PCSK6: variants seen among roughly 807,000 people sequenced by gnomAD.
The protein encoded by PCSK6 is proprotein convertase subtilisin/kexin type 6.
In PCSK6, 85 loss-of-function variants were observed where a neutral mutation model predicts 123.3. The observed-to-expected ratio is 0.69, with a 90% confidence interval of 0.58 to 0.83. The LOEUF (loss-of-function observed/expected upper bound fraction) is 0.83, where lower values mean the gene tolerates loss of function less well. Ranked by LOEUF, PCSK6 falls within the 40% of genes least tolerant of loss-of-function variation. PCSK6 has a pLI of 0.00. For synonymous variants in PCSK6, 508 were observed against 516.0 expected, an observed-to-expected ratio of 0.98 and a Z score of 0.21; for missense variants, 1,191 against 1,282.3, an observed-to-expected ratio of 0.93 and a Z score of 1.09.
At chr15:101,418,732 C>T (rs1024555471) in intron 6 of PCSK6, among the ~76,000 whole-genome samples, 6 of 152,196 alleles carry the variant, frequency 3.9e-5, no homozygotes, top group South Asian at 4.2e-4. Context: ...AGGCCGGTCT[C>T]GAGCTCCCGA....
chr15:101,439,199 C>T (rs1218143988), intron 2 of PCSK6, among the ~76,000 whole-genome samples: 3 of 152,162 alleles, frequency 2.0e-5, no homozygotes, highest in East Asian at 1.9e-4. Context: ...AAGGAGAGGC[C>T]GCTGGCACTG....
Position 101,310,632 on chromosome 15 carries a change from C to T in PCSK6, c.2699+2744G>A, listed in dbSNP as rs76780844. ...TGGCAAGTTTCCTCCATTACAGCAA[C>T]GCAGTAGAAGGGGCTGATGCTTGCC... On this transcript the variant is annotated intron_variant, in intron 20 of 21. Transcript: ENST00000611716. 7.5e-3 allele frequency among the ~76,000 whole-genome samples: 1,145 copies of T among 152,294 alleles called. 46 individuals carry two copies. In the East Asian group the frequency reaches 0.098, roughly 13 times the overall value.
chr15:101,465,325 GC>G (rs57168086), intron 1 of PCSK6, among the ~76,000 whole-genome samples: 116,200 of 151,718 alleles, frequency 0.77, 44,879 homozygotes, highest in Non-Finnish European at 0.82. Context: ...TGATTCTACA[GC>G]CCTGATGTGC....
In PCSK6 at chr15:101,398,468, T is replaced by C; in HGVS notation, c.932A>G (p.Asp311Gly). ...GCCGGGCCCGTCCACCGTCTTGCCG[T>C]CGTCGTCCGGCCCCCAGCTGGCACT... ...IYSASWGPDD[D>G]GKTVDGPGRL... The change falls in exon 7 of 22, where the codon GAC (aspartate) becomes GGC (glycine). Residue 311 changes from aspartate to glycine, a missense_variant. By Grantham distance (94) the Asp-to-Gly change is moderately conservative. Coordinates refer to ENST00000611716, the MANE Select transcript of PCSK6 (RefSeq NM_002570.5). This position sits in a 1 kb window ranked among gnomAD's most constrained non-coding sequence, Gnocchi z 4.6. The C allele has an allele frequency of 6.2e-7, 1 of 1,613,962 alleles. No homozygotes were observed. Among genetic ancestry groups the C allele is most frequent in the Non-Finnish European group, 8.5e-7 (1 of 1,179,852 alleles).
intron 5 of PCSK6, 143 bp from the exon 6 acceptor site, chr15:101,428,123 C>T: frequency 1.5e-6 from 1 of 683,080 alleles, no homozygotes; most frequent in Non-Finnish European, 2.5e-6. Flanking sequence ...CATCCCCTCT[C>T]ATCACCAACC....
chr15:101,405,545 A>G (rs2042747301), intron 6 of PCSK6, among the ~76,000 whole-genome samples: 1 of 152,182 alleles, frequency 6.6e-6, no homozygotes, highest in South Asian at 2.1e-4. Context: ...CAGAAGCTCC[A>G]TCCAGGAAGG....
intron 11 of PCSK6, among the ~76,000 whole-genome samples, chr15:101,372,564 G>T (rs2041617861): frequency 6.6e-6 from 1 of 152,178 alleles, no homozygotes; most frequent in South Asian, 2.1e-4. Flanking sequence ...ACAAGAGAAG[G>T]CTCTGGGGAG....
intron 13 of PCSK6, chr15:101,346,601 G>A (rs77767267): frequency 0.017 from 6,784 of 401,902 alleles, 398 homozygotes; most frequent in East Asian, 0.16. Flanking sequence ...ATTCTGGGGC[G>A]AACCTGGCTG....
intron 13 of PCSK6, among the ~76,000 whole-genome samples, chr15:101,342,771 G>A (rs925598274): frequency 2.6e-5 from 4 of 152,182 alleles, no homozygotes; most frequent in Non-Finnish European, 5.9e-5. Context: ...GTGTGGTGGC[G>A]CATGCCTGTA....
At chr15:101,479,353 G>A (rs565693026) in intron 1 of PCSK6, among the ~76,000 whole-genome samples, 1 of 152,360 alleles carries the variant, frequency 6.6e-6, no homozygotes, top group African/African-American at 2.4e-5. Context: ...GATGCGTGTG[G>A]TAAAAGTGAA....
chr15:101,488,250 C>A (rs537864519), intron 1 of PCSK6, among the ~76,000 whole-genome samples: 186 of 152,346 alleles, frequency 1.2e-3, no homozygotes, highest in African/African-American at 4.3e-3. Flanking sequence ...CTTCACTTAA[C>A]CCTCTGAGTG....
intron 1 of PCSK6, among the ~76,000 whole-genome samples, chr15:101,464,436 T>C (rs2057409980): frequency 6.6e-6 from 1 of 152,174 alleles, no homozygotes; most frequent in African/African-American, 2.4e-5. Context: ...GTCTACAAGA[T>C]TGGCTAATCC....
intron 15 of PCSK6, among the ~76,000 whole-genome samples, chr15:101,328,159 C>A (rs1236211181): frequency 6.6e-6 from 1 of 152,228 alleles, no homozygotes; most frequent in East Asian, 1.9e-4. Context: ...GCCTTCCCAC[C>A]CTCGCAGCTG....
Position 101,366,246 on chromosome 15 carries a change from G to C in PCSK6, c.1808C>G (p.Thr603Ser). 6.2e-7 allele frequency: 1 copy of C among 1,613,638 alleles called. No individual in the cohort carries two copies. The change falls in exon 13 of 22, where the codon ACC becomes AGC. Residue 603 changes from threonine (T) to serine (S), a missense_variant. Thr to Ser is a moderately conservative substitution (Grantham distance 58). Transcript: ENST00000611716. Reference sequence around the variant, plus strand: ...GGATGGCAGATCTTGGATTTCCAAGGTCCACTGCCCTTCAGCCTTTTCTCC... The same window carrying C: ...GGATGGCAGATCTTGGATTTCCAAGCTCCACTGCCCTTCAGCCTTTTCTCC... ...CWGEKAEGQW[T>S]LEIQDLPSQV...
At chr15:101,356,634 T>C (rs2041050994) in intron 13 of PCSK6, among the ~76,000 whole-genome samples, 2 of 151,532 alleles carry the variant, frequency 1.3e-5, no homozygotes, top group Non-Finnish European at 2.9e-5. Flanking sequence ...GAGCCGAGAT[T>C]GCGCCGTTGC....
At chr15:101,338,247 G>C (rs2040527414) in intron 13 of PCSK6, among the ~76,000 whole-genome samples, 1 of 152,188 alleles carries the variant, frequency 6.6e-6, no homozygotes, top group Non-Finnish European at 1.5e-5. Context: ...AGGAGAGTCA[G>C]ATGCTTATGG....
intron 1 of PCSK6, among the ~76,000 whole-genome samples, chr15:101,485,295 T>G (rs1355028330): frequency 6.6e-6 from 1 of 152,236 alleles, no homozygotes; most frequent in Non-Finnish European, 1.5e-5. Context: ...GCGTGTATCT[T>G]TTTTTCTTAG....
chr15:101,486,381 G>A (rs867567348), intron 1 of PCSK6, among the ~76,000 whole-genome samples: 15 of 152,196 alleles, frequency 9.9e-5, no homozygotes, highest in African/African-American at 2.9e-4. Context: ...GGTTTCTTTC[G>A]TCTTCTCAGA....
Position 101,442,269 on chromosome 15 carries a change from T to A in PCSK6, c.402+1287A>T, listed in dbSNP as rs1006905032. Among the ~76,000 whole-genome samples, 3 of 152,216 alleles carry A rather than the reference T, an allele frequency of 2.0e-5. 1 individual carries two copies. The highest frequency in any genetic ancestry group is 4.4e-5 in the Non-Finnish European group (3 of 68,038). On this transcript the variant is annotated intron_variant, in intron 2 of 21. Transcript: ENST00000611716. ...CCCTTGCTATGAAGGAATAATGGAA[T>A]TAGCACAATGTTTCATATCTATCTC...
Sources: allele counts gnomAD v4.1 joint callset (sites outside exome capture counted in the v4.1 genomes callset), GRCh38; gene constraint gnomAD v4.1.1; non-coding constraint Gnocchi (gnomAD v3.1); transcripts MANE v1.5; gene names NCBI Gene and HGNC (gene_info 2026-07-23, HGNC 2026-07-21).